The following VTI1A variants were observed in gnomAD, a reference collection of about 807,000 sequenced individuals.
VTI1A encodes vesicle transport through interaction with t-SNAREs 1A.
In VTI1A, 22 loss-of-function variants were observed where a neutral mutation model predicts 34.9. The observed-to-expected ratio is 0.63, with a 90% CI of 0.45 to 0.90. VTI1A has a LOEUF of 0.90. VTI1A is among the 40% of genes least tolerant of loss of function. The pLI, the probability that VTI1A is intolerant of heterozygous loss-of-function variation, is 0.00. For missense variants in VTI1A, 268 were observed against 275.6 expected (o/e 0.97, Z 0.20); for synonymous variants, 87 against 97.3 (o/e 0.89, Z 0.62).
chr10:112,750,934 C>T (rs956715538), intron 7 of VTI1A, among the ~76,000 whole-genome samples: 3 of 152,202 alleles, frequency 2.0e-5, no homozygotes, highest in Non-Finnish European at 2.9e-5. Context: ...TTTCCACAGA[C>T]ACACGTACCA....
chr10:112,807,230 G>A (rs891799342), intron 7 of VTI1A, among the ~76,000 whole-genome samples: 3 of 152,172 alleles, frequency 2.0e-5, no homozygotes, highest in Admixed American at 6.5e-5. Flanking sequence ...AGCTCCATAT[G>A]CTGGTCTGGA....
intron 5 of VTI1A, among the ~76,000 whole-genome samples, chr10:112,593,588 GCA>G (rs1281240117): frequency 1.3e-5 from 2 of 152,040 alleles, no homozygotes; most frequent in African/African-American, 4.8e-5. Flanking sequence ...AAATAGAAAA[GCA>G]CACAGAAAAA....
chr10:112,690,425 C>A (rs57078314), intron 7 of VTI1A, among the ~76,000 whole-genome samples: 4,469 of 152,238 alleles, frequency 0.029, 116 homozygotes, highest in East Asian at 0.085. Flanking sequence ...CTTAAAGCAT[C>A]CAAACACTCA....
rs551849895 is a variant in VTI1A at position 112,684,784 on chromosome 10, C to T, written c.560+15786C>T. 2.1e-4 allele frequency among the ~76,000 whole-genome samples: 32 copies of T among 152,118 alleles called. 1 individual carries two copies. The highest frequency in any genetic ancestry group is 2.9e-5 in the Non-Finnish European group (2 of 68,032). ...TCCTCATTCTTGAGTTCTTAGCTCT[C>T]TAATCTTGAAGTCAGCTGGGATATA... On this transcript the variant is annotated intron_variant, in intron 7 of 7. Transcript: ENST00000393077.
chr10:112,456,142 C>G (rs757663721), intron 1 of VTI1A, among the ~76,000 whole-genome samples: 2 of 152,124 alleles, frequency 1.3e-5, no homozygotes, highest in Non-Finnish European at 2.9e-5. Flanking sequence ...AACTGCAGGC[C>G]AGGTGCAGTG....
intron 5 of VTI1A, among the ~76,000 whole-genome samples, chr10:112,604,248 T>C (rs1229017502): frequency 6.6e-6 from 1 of 152,118 alleles, no homozygotes; most frequent in East Asian, 1.9e-4. Context: ...TTATGCTCCA[T>C]TTTCCTGACT....
rs1851279010 is a variant in VTI1A, at chr10:112,756,243, A to C, written c.561-59047A>C. ...AGGAATGTGCAATTAAGCTCATTAAAACATCATCATTATGCTTATCAATCT... is the reference window on the plus strand; with the variant it reads ...AGGAATGTGCAATTAAGCTCATTAACACATCATCATTATGCTTATCAATCT... On this transcript the variant is annotated intron_variant, in intron 7 of 7. Coordinates refer to ENST00000393077, the MANE Select transcript of VTI1A (RefSeq NM_145206.4). Among the ~76,000 whole-genome samples, 3 of 152,338 alleles carry C rather than the reference A, an allele frequency of 2.0e-5. No homozygotes were observed. The South Asian group carries it at 6.2e-4, about 32-fold the overall frequency.
At chr10:112,588,963 G>A (rs11196008) in intron 5 of VTI1A, among the ~76,000 whole-genome samples, 43,617 of 150,288 alleles carry the variant, frequency 0.29, 8,271 homozygotes, top group Non-Finnish European at 0.42. Flanking sequence ...CAAAAGCATC[G>A]GTGTCATTTT....
At chr10:112,738,597 G>C (rs1409555879) in intron 7 of VTI1A, among the ~76,000 whole-genome samples, 1 of 152,172 alleles carries the variant, frequency 6.6e-6, no homozygotes, top group African/African-American at 2.4e-5. Flanking sequence ...GACATGTAAA[G>C]TTCAGTGTAA....
intron 7 of VTI1A, among the ~76,000 whole-genome samples, chr10:112,742,421 A>G (rs1850724216): frequency 6.6e-6 from 1 of 152,236 alleles, no homozygotes; most frequent in Non-Finnish European, 1.5e-5. Context: ...TTGCTAGGAA[A>G]TAAGAGTTTT....
intron 5 of VTI1A, among the ~76,000 whole-genome samples, chr10:112,575,977 T>C (rs1214772297): frequency 6.6e-6 from 1 of 151,986 alleles, no homozygotes; most frequent in East Asian, 1.9e-4. Flanking sequence ...CTGTGTATCT[T>C]TTGCCCATTC....
chr10:112,842,918 A>G, the VTI1A span, among the ~76,000 whole-genome samples: 1 of 152,202 alleles, frequency 6.6e-6, no homozygotes, highest in Non-Finnish European at 1.5e-5. Context: ...TTGGATACTT[A>G]CACAATCACT....
intron 5 of VTI1A, among the ~76,000 whole-genome samples, chr10:112,577,407 A>C (rs1008932661): frequency 2.6e-5 from 4 of 152,244 alleles, no homozygotes; most frequent in Admixed American, 6.5e-5. Flanking sequence ...TAAATATATA[A>C]TTGTATAATG....
chr10:112,773,339 A>G (rs1851868165), intron 7 of VTI1A, among the ~76,000 whole-genome samples: 1 of 152,202 alleles, frequency 6.6e-6, no homozygotes, highest in Non-Finnish European at 1.5e-5. Context: ...CAAAGCATGC[A>G]TGTTCACACT....
intron 3 of VTI1A, among the ~76,000 whole-genome samples, chr10:112,524,722 T>C (rs547352553): frequency 6.6e-6 from 1 of 152,250 alleles, no homozygotes; most frequent in African/African-American, 2.4e-5. Flanking sequence ...TCTATGCCAA[T>C]TTGTTGGTAT....
At chr10:112,490,297 A>G (rs1002398051) in intron 3 of VTI1A, among the ~76,000 whole-genome samples, 6 of 152,244 alleles carry the variant, frequency 3.9e-5, no homozygotes, top group Non-Finnish European at 7.3e-5. Flanking sequence ...GTCGGTGATT[A>G]AATAGCCATC....
intron 5 of VTI1A, among the ~76,000 whole-genome samples, chr10:112,572,940 A>C (rs1852199310): frequency 6.6e-6 from 1 of 152,042 alleles, no homozygotes. Flanking sequence ...TTAATCAAAT[A>C]AATTATTGCT....
the VTI1A span, among the ~76,000 whole-genome samples, chr10:112,853,360 C>T: frequency 6.6e-5 from 10 of 152,296 alleles, no homozygotes; most frequent in South Asian, 2.1e-3. Context: ...CCATCAAACT[C>T]CAAGTGATGC....
At chr10:112,752,785 C>T (rs1479590191) in intron 7 of VTI1A, among the ~76,000 whole-genome samples, 2 of 152,178 alleles carry the variant, frequency 1.3e-5, no homozygotes, top group African/African-American at 4.8e-5. Context: ...CTGCTATTTA[C>T]TACCTTAAAA....
Sources: gnomAD v4.1 joint callset for allele counts (sites outside exome capture counted in the v4.1 genomes callset) on GRCh38, gnomAD v4.1.1 for gene constraint, MANE v1.5 for transcripts, NCBI Gene and HGNC (gene_info 2026-07-23, HGNC 2026-07-21) for gene names.